SATB2: variants seen among roughly 807,000 people sequenced by gnomAD.
SATB2 encodes DNA-binding protein SATB2.
SATB2 carries 1 observed loss-of-function variant against 73.4 expected under a neutral mutation model. That is an observed-to-expected ratio of 0.01 (90% CI 0.00 to 0.06). The LOEUF (loss-of-function observed/expected upper bound fraction) is 0.06, where lower values mean the gene tolerates loss of function less well. Among genes scored for constraint, SATB2 ranks in the 10% least tolerant of loss-of-function variants. The pLI, the probability that SATB2 is intolerant of heterozygous loss-of-function variation, is 1.00. For synonymous variants in SATB2, 397 were observed against 367.0 expected (o/e 1.08, Z -0.93); for missense variants, 459 against 945.8 (o/e 0.49, Z 6.75).
chr2:199,330,756 A>G (rs1356606998), intron 7 of SATB2, among the ~76,000 whole-genome samples: 1 of 152,206 alleles, frequency 6.6e-6, no homozygotes, highest in Non-Finnish European at 1.5e-5. Flanking sequence ...TCAAATGAAT[A>G]TGCAGAGAAG....
At chr2:199,410,902 T>TA (rs546532268) in intron 3 of SATB2, among the ~76,000 whole-genome samples, 1 of 152,164 alleles carries the variant, frequency 6.6e-6, no homozygotes, top group Admixed American at 6.5e-5. Context: ...AATATAAAAA[T>TA]AAAGTTTTTT....
intron 3 of SATB2, among the ~76,000 whole-genome samples, chr2:199,399,128 C>T (rs1223586567): frequency 6.6e-6 from 1 of 152,036 alleles, no homozygotes; most frequent in African/African-American, 2.4e-5. Context: ...AAACACTAGC[C>T]AGGAATGGTG....
In SATB2 at chr2:199,463,033, G is replaced by A. The variant is rs1490348305; in HGVS notation, c.-141+1803C>T. Among the ~76,000 whole-genome samples the A allele has an allele frequency of 1.3e-5, 2 of 152,158 alleles. No individual in the cohort carries two copies. Among genetic ancestry groups the A allele is most frequent in the East Asian group, 3.9e-4 (2 of 5,164 alleles). ...CTGCCCTGGGGGAAGAAAGCGAGGA[G>A]ATAGGTTTCAGAGCTGGGGGAGTCG... On this transcript the variant is annotated intron_variant, in intron 1 of 11. Coordinates refer to the SATB2 transcript ENST00000260926. The surrounding 1 kb of genome is among the most constrained non-coding windows in gnomAD (Gnocchi z 6.4).
At chr2:199,435,418 G>A (rs1055523055) in intron 2 of SATB2, among the ~76,000 whole-genome samples, 2 of 150,102 alleles carry the variant, frequency 1.3e-5, no homozygotes, top group Middle Eastern at 3.4e-3. Context: ...GTGCAATCTC[G>A]GCTCACTGCA....
chr2:199,352,129 T>C (rs1688836155), intron 6 of SATB2, among the ~76,000 whole-genome samples: 1 of 152,180 alleles, frequency 6.6e-6, no homozygotes, highest in African/African-American at 2.4e-5. Flanking sequence ...CTGCCCTGGC[T>C]TCCCAAAGTG....
At chr2:199,449,302 T>C (rs1692057116) in intron 2 of SATB2, among the ~76,000 whole-genome samples, 1 of 152,216 alleles carries the variant, frequency 6.6e-6, no homozygotes, top group African/African-American at 2.4e-5. Context: ...ATACAGAAGT[T>C]GTAGAATGCA....
chr2:199,442,201 C>A (rs898834765), intron 2 of SATB2, among the ~76,000 whole-genome samples: 6 of 152,196 alleles, frequency 3.9e-5, no homozygotes, highest in Admixed American at 2.0e-4. Flanking sequence ...GCCTAGCTGT[C>A]AAACTTGTCC....
chr2:199,273,008 GA>G (rs1239011022), intron 10 of SATB2, among the ~76,000 whole-genome samples: 1 of 151,862 alleles, frequency 6.6e-6, no homozygotes, highest in Non-Finnish European at 1.5e-5. Context: ...GAAGGCTAAC[GA>G]CAAAGAAATT....
At chr2:199,429,936 C>T (rs1691450754) in intron 3 of SATB2, among the ~76,000 whole-genome samples, 1 of 152,092 alleles carries the variant, frequency 6.6e-6, no homozygotes, top group South Asian at 2.1e-4. Context: ...TTAAATTAAT[C>T]AACAGTCAAT....
At chr2:199,291,922 A>G (rs1295425893) in intron 10 of SATB2, among the ~76,000 whole-genome samples, 3 of 152,022 alleles carry the variant, frequency 2.0e-5, no homozygotes, top group Non-Finnish European at 4.4e-5. Context: ...AAAAAAAAAT[A>G]AATAAAAATA....
At chr2:199,354,615 C>T (rs1688918404) in intron 6 of SATB2, among the ~76,000 whole-genome samples, 1 of 152,132 alleles carries the variant, frequency 6.6e-6, no homozygotes, top group African/African-American at 2.4e-5. Context: ...GGTAGCTATT[C>T]CAACATCTGG....
chr2:199,286,402 GGGCTAACAT>G (rs1692690006), intron 10 of SATB2, among the ~76,000 whole-genome samples: 1 of 152,062 alleles, frequency 6.6e-6, no homozygotes, highest in Non-Finnish European at 1.5e-5. Flanking sequence ...TGATCATCTA[GGGCTAACAT>G]GACCAAAACC....
At chr2:199,361,286 C>A (rs1689129619) in intron 6 of SATB2, among the ~76,000 whole-genome samples, 1 of 151,980 alleles carries the variant, frequency 6.6e-6, no homozygotes, top group South Asian at 2.1e-4. Flanking sequence ...AGCTCAAAAC[C>A]TGGATTCTGC....
intron 2 of SATB2, among the ~76,000 whole-genome samples, chr2:199,447,708 C>G (rs1191194832): frequency 1.3e-5 from 2 of 152,172 alleles, no homozygotes; most frequent in African/African-American, 4.8e-5. Context: ...TTTCCATGGG[C>G]TCCTCTTTGA....
At chr2:199,372,084 T>C (rs1358845890) in intron 5 of SATB2, among the ~76,000 whole-genome samples, 1 of 152,126 alleles carries the variant, frequency 6.6e-6, no homozygotes, top group Non-Finnish European at 1.5e-5. Flanking sequence ...AATATTATAT[T>C]CTAAGATAAA....
chr2:199,383,619 A>G (rs2105870232), intron 3 of SATB2, among the ~76,000 whole-genome samples: 1 of 152,314 alleles, frequency 6.6e-6, no homozygotes. Context: ...GTTGTGCACT[A>G]TGATAGGCAA....
intron 7 of SATB2, among the ~76,000 whole-genome samples, chr2:199,345,957 T>C (rs1035810654): frequency 1.3e-5 from 2 of 152,146 alleles, no homozygotes; most frequent in Admixed American, 1.3e-4. Flanking sequence ...CTACCAACTA[T>C]ACTTGCAGTT....
upstream of SATB2, among the ~76,000 whole-genome samples, chr2:199,462,647 G>C (rs1692502234): frequency 6.6e-6 from 1 of 152,174 alleles, no homozygotes; most frequent in Non-Finnish European, 1.5e-5. The surrounding 1 kb of genome is among the most constrained non-coding windows in gnomAD (Gnocchi z 5.9). Context: ...TGGCTCCCCC[G>C]GCAGCTCAGG....
chr2:199,353,312 G>A (rs1688876995), intron 6 of SATB2, among the ~76,000 whole-genome samples: 1 of 151,702 alleles, frequency 6.6e-6, no homozygotes, highest in East Asian at 1.9e-4. Flanking sequence ...GTGCCACGGT[G>A]CCCAGCTAAT....
Sources: gnomAD v4.1 joint callset for allele counts (sites outside exome capture counted in the v4.1 genomes callset) on GRCh38, gnomAD v4.1.1 for gene constraint, Gnocchi (gnomAD v3.1) non-coding constraint, MANE v1.5 for transcripts, NCBI Gene and HGNC (gene_info 2026-07-23, HGNC 2026-07-21) for gene names.